Variants in TRERF1 observed in about 807,000 individuals in gnomAD.
TRERF1 encodes the protein transcriptional-regulating factor 1.
A neutral mutation model predicts 122.9 loss-of-function variants in TRERF1; 27 were observed. The ratio of observed to expected loss-of-function variants is 0.22; its 90% confidence interval spans 0.16 to 0.30. The LOEUF (loss-of-function observed/expected upper bound fraction) is 0.30, where lower values mean the gene tolerates loss of function less well. Among genes scored for constraint, TRERF1 ranks in the 10% least tolerant of loss-of-function variants. TRERF1 has a pLI of 1.00. For missense variants in TRERF1, 1,248 were observed against 1,560.3 expected (o/e 0.80, Z 3.37); for synonymous variants, 636 against 641.7 (o/e 0.99, Z 0.13).
chr6:42,253,922 A>G (rs970097219), intron 13 of TRERF1, among the ~76,000 whole-genome samples: 1 of 152,238 alleles, frequency 6.6e-6, no homozygotes, highest in Admixed American at 6.5e-5. Flanking sequence ...GAAACCCTCA[A>G]GTGATTAAAA....
At chr6:42,308,265 C>T (rs142611031) in intron 3 of TRERF1, among the ~76,000 whole-genome samples, 7 of 152,266 alleles carry the variant, frequency 4.6e-5, no homozygotes, top group African/African-American at 1.2e-4. Flanking sequence ...TATATTCATA[C>T]AATGGAATAT....
At chr6:42,225,743 C>G (rs1051399649) in exon 18 of TRERF1, 2 of 152,058 alleles carry the variant, frequency 1.3e-5, no homozygotes, top group African/African-American at 4.8e-5. Flanking sequence ...TTCAAAAATA[C>G]TTTTCTTTAC....
chr6:42,277,945 G>GAAGAAGAAGAAGAACAAGAACAAGAAC (rs1781564284), intron 4 of TRERF1, among the ~76,000 whole-genome samples: 3 of 149,830 alleles, frequency 2.0e-5, no homozygotes, highest in African/African-American at 7.5e-5. Context: ...AGAAGAAGAA[G>GAAGAAGAAGAAGAACAAGAACAAGAAC]AAGAAGAAGA....
At chr6:42,406,268 TC>T (rs914900497) in intron 2 of TRERF1, among the ~76,000 whole-genome samples, 2 of 152,168 alleles carry the variant, frequency 1.3e-5, no homozygotes, top group African/African-American at 4.8e-5. Context: ...CAGACCCCCT[TC>T]CTGGTTCCTG....
intron 3 of TRERF1, among the ~76,000 whole-genome samples, chr6:42,339,958 C>T (rs1258042801): frequency 2.6e-5 from 4 of 152,266 alleles, no homozygotes; most frequent in South Asian, 2.1e-4. Context: ...ATGTTTTCTG[C>T]GACCATCAAC....
At chr6:42,294,414 T>A (rs1582871283) in intron 4 of TRERF1, among the ~76,000 whole-genome samples, 1 of 152,072 alleles carries the variant, frequency 6.6e-6, no homozygotes, top group Non-Finnish European at 1.5e-5. Context: ...ACTCCCGGTC[T>A]CATGATCCGC....
chr6:42,382,731 T>C (rs957902726), intron 2 of TRERF1, among the ~76,000 whole-genome samples: 3 of 151,722 alleles, frequency 2.0e-5, no homozygotes, highest in Non-Finnish European at 4.4e-5. Flanking sequence ...GACCCCATTT[T>C]GCTTTACATC....
intron 2 of TRERF1, among the ~76,000 whole-genome samples, chr6:42,431,580 C>T (rs887130488): frequency 3.3e-5 from 5 of 152,138 alleles, no homozygotes; most frequent in South Asian, 4.1e-4. Context: ...TTTATCCTTA[C>T]GCTAAGTAGA....
chr6:42,364,144 C>T (rs1211658010), intron 2 of TRERF1, among the ~76,000 whole-genome samples: 4 of 152,224 alleles, frequency 2.6e-5, no homozygotes, highest in Non-Finnish European at 5.9e-5. Flanking sequence ...TCTCCTCCTA[C>T]TCTGCCCTTC....
chr6:42,287,148 G>A (rs1266663250), intron 4 of TRERF1, among the ~76,000 whole-genome samples: 3 of 116,258 alleles, frequency 2.6e-5, no homozygotes, highest in African/African-American at 9.7e-5. Flanking sequence ...GTTGTGGGGT[G>A]GGGGGAGGGG....
chr6:42,260,113 ATGT>A (rs1777562438), intron 8 of TRERF1, among the ~76,000 whole-genome samples: 1 of 151,990 alleles, frequency 6.6e-6, no homozygotes, highest in South Asian at 2.1e-4. Flanking sequence ...CAGATACCAC[ATGT>A]TCTGAGAAGG....
chr6:42,252,110 G>A (rs906226725), intron 13 of TRERF1, among the ~76,000 whole-genome samples: 6 of 152,290 alleles, frequency 3.9e-5, no homozygotes, highest in Middle Eastern at 3.4e-3. Context: ...GGGGTTGAGC[G>A]CCAGAAGCCA....
At position 42,269,672 on chromosome 6, in the gene TRERF1, G is replaced by A; in HGVS notation, c.-82C>T. 3 of 1,496,010 alleles carry A rather than the reference G, an allele frequency of 2.0e-6. No individual in the cohort carries two copies. Among genetic ancestry groups the A allele is most frequent in the Non-Finnish European group, 2.7e-6 (3 of 1,125,436 alleles). 92.7% of individuals were successfully genotyped at this position (1,496,010 alleles called of 1,614,324 possible). On this transcript the variant is annotated 5_prime_UTR_variant, in exon 5 of 18. Coordinates refer to ENST00000372922, the Ensembl canonical transcript of TRERF1. The surrounding 1 kb of genome is among the most constrained non-coding windows in gnomAD (Gnocchi z 4.9). ...ACAAACCCAAAAGGACTGAAACCCT[G>A]AGAAGCTGAGAGAAAAGTGTCAGCA...
At position 42,427,186 on chromosome 6, in the gene TRERF1, A is replaced by G. The variant is rs116089985; in HGVS notation, c.-454+23991T>C. Reference sequence around the variant, plus strand: ...AAATACATAAATAAATTTGTTTTTAAAAAAGAACTAAGGCTTATTCACCTA... The same window carrying G: ...AAATACATAAATAAATTTGTTTTTAGAAAAGAACTAAGGCTTATTCACCTA... On this transcript the variant is annotated intron_variant, in intron 2 of 17. Transcript: ENST00000372922. Among the ~76,000 whole-genome samples, 539 of 152,206 alleles carry G rather than the reference A, an allele frequency of 3.5e-3. 5 individuals carry two copies. The highest frequency in any genetic ancestry group is 0.013 in the African/African-American group (520 of 41,530).
chr6:42,317,093 G>A (rs963144720), intron 3 of TRERF1, among the ~76,000 whole-genome samples: 1 of 152,000 alleles, frequency 6.6e-6, no homozygotes, highest in Non-Finnish European at 1.5e-5. Context: ...ACACCCCTAC[G>A]ATTTCAACCT....
intron 2 of TRERF1, among the ~76,000 whole-genome samples, chr6:42,388,600 G>C (rs887009406): frequency 1.3e-5 from 2 of 152,096 alleles, no homozygotes; most frequent in African/African-American, 4.8e-5. Flanking sequence ...CCTTTAAACA[G>C]CTTGGTGGCA....
At position 42,232,918 on chromosome 6, in the gene TRERF1, C is replaced by A; in HGVS notation, c.3067-26G>T. ...CTGGGGAAGAAAGGGAGTGACATGACATCTACAGTCCTGAAAAGGAAATTA... is the reference window on the plus strand; with the variant it reads ...CTGGGGAAGAAAGGGAGTGACATGAAATCTACAGTCCTGAAAAGGAAATTA... On this transcript the variant is annotated intron_variant, in intron 16 of 17. Transcript: ENST00000372922. The surrounding 1 kb of genome is among the most constrained non-coding windows in gnomAD (Gnocchi z 4.5). 1.3e-6 allele frequency: 2 copies of A among 1,563,548 alleles called. No homozygotes were observed. The highest frequency in any genetic ancestry group is 1.3e-5 in the African/African-American group (1 of 74,388).
intron 7 of TRERF1, 147 bp downstream of exon 7, chr6:42,264,557 C>G: frequency 7.7e-7 from 1 of 1,291,760 alleles, no homozygotes; most frequent in Non-Finnish European, 1.0e-6. Flanking sequence ...GGCTGGCTCC[C>G]AGCGCCAAAG....
At chr6:42,372,879 T>A (rs1433822175) in intron 2 of TRERF1, among the ~76,000 whole-genome samples, 1 of 152,188 alleles carries the variant, frequency 6.6e-6, no homozygotes, top group Non-Finnish European at 1.5e-5. Context: ...AATGAGACCC[T>A]GAGTCAGGCA....
Sources: allele counts gnomAD v4.1 joint callset (sites outside exome capture counted in the v4.1 genomes callset), GRCh38; gene constraint gnomAD v4.1.1; non-coding constraint Gnocchi (gnomAD v3.1); transcripts MANE v1.5; gene names NCBI Gene and HGNC (gene_info 2026-07-23, HGNC 2026-07-21).